Variants in BTLA observed in about 807,000 individuals in gnomAD.
The protein encoded by BTLA is B- and T-lymphocyte attenuator.
In BTLA, 11 loss-of-function variants were observed where a neutral mutation model predicts 25.0. The observed-to-expected ratio is 0.44, with a 90% CI of 0.28 to 0.73. The LOEUF is 0.73. BTLA is among the 30% of genes least tolerant of loss of function. BTLA has a pLI of 0.15. For synonymous variants in BTLA, 104 were observed against 119.8 expected (o/e 0.87, Z 0.86); for missense variants, 282 against 332.8 (o/e 0.85, Z 1.19).
chr3:112,484,721 TA>T (rs1245816148), intron 1 of BTLA, among the ~76,000 whole-genome samples: 1 of 152,212 alleles, frequency 6.6e-6, no homozygotes, highest in East Asian at 1.9e-4. Flanking sequence ...CAAAGTGGGT[TA>T]GGGGTGGAGA....
At chr3:112,471,688 G>A (rs189097529) in intron 2 of BTLA, among the ~76,000 whole-genome samples, 2 of 152,182 alleles carry the variant, frequency 1.3e-5, no homozygotes, top group African/African-American at 4.8e-5. Context: ...CATCACTTAA[G>A]TAGGAAAACC....
chr3:112,478,432 A>G (rs2082300482), intron 2 of BTLA, among the ~76,000 whole-genome samples: 1 of 151,964 alleles, frequency 6.6e-6, no homozygotes, highest in South Asian at 2.1e-4. Flanking sequence ...TGGATTGTTT[A>G]TTGCTAGTGT....
chr3:112,473,079 C>A (rs936570926), intron 2 of BTLA, among the ~76,000 whole-genome samples: 1 of 151,644 alleles, frequency 6.6e-6, no homozygotes, highest in Non-Finnish European at 1.5e-5. Flanking sequence ...TAATTCAGAA[C>A]AAACTGTTTC....
In BTLA at chr3:112,465,950, CATTT is replaced by C. The variant is rs2082222852; in HGVS notation, c.*154_*157del. The C allele has an allele frequency of 1.4e-6, 1 of 712,812 alleles. No homozygotes were observed. The highest frequency in any genetic ancestry group is 2.1e-6 in the Non-Finnish European group (1 of 477,422). The allele number at this position is 712,812 out of a possible 1,614,324, so 44.2% of individuals were successfully genotyped here. A position where few individuals can be genotyped will look rare whatever the true frequency, so the allele number is the denominator to read the frequency against. On this transcript the variant is annotated 3_prime_UTR_variant, in exon 5 of 5. Transcript: ENST00000334529. Reference sequence around the variant, plus strand: ...ATAAGTTTCTGAGAGAAATTTTAATCATTTATCCTATGGACCCTTAAGACCCAAG... The same window carrying C: ...ATAAGTTTCTGAGAGAAATTTTAATCATCCTATGGACCCTTAAGACCCAAG...
At chr3:112,472,396 C>T (rs1232085971) in intron 2 of BTLA, among the ~76,000 whole-genome samples, 2 of 151,384 alleles carry the variant, frequency 1.3e-5, no homozygotes, top group Admixed American at 6.6e-5. Context: ...ATGAAAAATA[C>T]TGGAGTAAGA....
At chr3:112,476,280 G>A (rs1309307308) in intron 2 of BTLA, among the ~76,000 whole-genome samples, 1 of 152,172 alleles carries the variant, frequency 6.6e-6, no homozygotes, top group Non-Finnish European at 1.5e-5. Flanking sequence ...ATAATTGAGG[G>A]TTGTAGCTAC....
At chr3:112,485,466 T>C (rs1449304276) in intron 1 of BTLA, among the ~76,000 whole-genome samples, 1 of 152,200 alleles carries the variant, frequency 6.6e-6, no homozygotes, top group African/African-American at 2.4e-5. Flanking sequence ...CCCCAAAAGT[T>C]TGTCTTATCA....
At chr3:112,492,738 A>G (rs999968762) in intron 1 of BTLA, among the ~76,000 whole-genome samples, 6 of 152,358 alleles carry the variant, frequency 3.9e-5, no homozygotes, top group Middle Eastern at 3.4e-3. Context: ...CTAATATTAT[A>G]GAGGAAAATG....
At chr3:112,478,733 C>A (rs779172819) in intron 2 of BTLA, among the ~76,000 whole-genome samples, 1 of 152,040 alleles carries the variant, frequency 6.6e-6, no homozygotes, top group African/African-American at 2.4e-5. Context: ...AGCCTTTCAC[C>A]ATTGAATATG....
chr3:112,480,474 G>A (rs756556663), intron 1 of BTLA, among the ~76,000 whole-genome samples: 45 of 152,212 alleles, frequency 3.0e-4, no homozygotes, highest in Non-Finnish European at 5.7e-4. Context: ...TTGAATCACA[G>A]AAGTTTTATT....
chr3:112,498,567 C>G (rs1467702096), intron 1 of BTLA, among the ~76,000 whole-genome samples: 1 of 120,940 alleles, frequency 8.3e-6, no homozygotes, highest in Admixed American at 8.2e-5. Flanking sequence ...AAAGAAATTG[C>G]CTTTTTTTTT....
intron 1 of BTLA, among the ~76,000 whole-genome samples, chr3:112,488,698 C>T (rs975323646): frequency 6.6e-6 from 1 of 152,138 alleles, no homozygotes; most frequent in East Asian, 1.9e-4. Context: ...ACTGCAACCT[C>T]CACCCACCGG....
intron 2 of BTLA, 142 bp from the exon 3 acceptor site, chr3:112,471,497 A>G: frequency 2.2e-6 from 2 of 896,390 alleles, no homozygotes; most frequent in Non-Finnish European, 3.3e-6. Flanking sequence ...ATTCCTCAAG[A>G]ATCCCAGTGC....
chr3:112,476,656 G>A (rs1445377687), intron 2 of BTLA, among the ~76,000 whole-genome samples: 1 of 152,158 alleles, frequency 6.6e-6, no homozygotes, highest in African/African-American at 2.4e-5. Context: ...ACTCTTCTTT[G>A]ATCCAAATAT....
chr3:112,497,663 T>C (rs2082416580), intron 1 of BTLA, among the ~76,000 whole-genome samples: 1 of 152,148 alleles, frequency 6.6e-6, no homozygotes, highest in Non-Finnish European at 1.5e-5. Context: ...GTTGACTTAA[T>C]ACTAGATACT....
At position 112,499,455 on chromosome 3, in the gene BTLA, G is replaced by T; in HGVS notation, c.-97C>A. 1.3e-6 allele frequency: 1 copy of T among 763,872 alleles called. No individual in the cohort carries two copies. Among genetic ancestry groups the T allele is most frequent in the South Asian group, 2.7e-5 (1 of 37,120 alleles). The allele number at this position is 763,872 out of a possible 1,614,324, so 47.3% of individuals were successfully genotyped here. A position where few individuals can be genotyped will look rare whatever the true frequency, so the allele number is the denominator to read the frequency against. ...GTTGGGTCAGTTTACCTACCCCAGT[G>T]GCATCTGTGAAATAACTAAAAAAAA... is the stretch of plus-strand genomic sequence containing the variant. On this transcript the variant is annotated 5_prime_UTR_variant, in exon 1 of 5. Coordinates refer to ENST00000334529, the MANE Select transcript of BTLA (RefSeq NM_181780.4).
intron 1 of BTLA, among the ~76,000 whole-genome samples, chr3:112,484,847 C>T (rs1185602259): frequency 6.6e-6 from 1 of 152,120 alleles, no homozygotes; most frequent in African/African-American, 2.4e-5. Context: ...ACCACACTGA[C>T]TGGCACAGGA....
At chr3:112,473,017 C>T (rs983524884) in intron 2 of BTLA, among the ~76,000 whole-genome samples, 5 of 151,482 alleles carry the variant, frequency 3.3e-5, no homozygotes, top group Non-Finnish European at 7.4e-5. Context: ...CTTTAACCAC[C>T]AAAAAAACCT....
At chr3:112,487,457 T>C (rs1183286904) in intron 1 of BTLA, among the ~76,000 whole-genome samples, 1 of 152,078 alleles carries the variant, frequency 6.6e-6, no homozygotes, top group African/African-American at 2.4e-5. Flanking sequence ...TGGTGGCGCA[T>C]GCCTGTAATC....
Sources: gnomAD v4.1 joint callset for allele counts (sites outside exome capture counted in the v4.1 genomes callset) on GRCh38, gnomAD v4.1.1 for gene constraint, MANE v1.5 for transcripts, NCBI Gene and HGNC (gene_info 2026-07-23, HGNC 2026-07-21) for gene names.